The following PROSER3 variants were observed in gnomAD, a reference collection of about 807,000 sequenced individuals.
PROSER3 encodes proline and serine-rich protein 3.
PROSER3 carries 33 observed loss-of-function variants against 50.2 expected under a neutral mutation model. The observed-to-expected ratio is 0.66, with a 90% CI of 0.50 to 0.88. PROSER3 has a LOEUF of 0.88. Ranked by LOEUF, PROSER3 falls within the 40% of genes least tolerant of loss-of-function variation. The pLI is 0.00. For synonymous variants in PROSER3, 266 were observed against 259.3 expected, an observed-to-expected ratio of 1.03 and a Z score of -0.25; for missense variants, 623 against 612.7, an observed-to-expected ratio of 1.02 and a Z score of -0.18.
chr19:35,770,445 G>A (rs1971297007), downstream of PROSER3, among the ~76,000 whole-genome samples: 1 of 151,952 alleles, frequency 6.6e-6, no homozygotes, highest in Non-Finnish European at 1.5e-5. Flanking sequence ...AAACTTAACG[G>A]TTTTTATAAA....
intron 3 of PROSER3, 151 bp from the exon 4 acceptor site, chr19:35,761,868 G>A (rs1192311819): frequency 3.0e-6 from 3 of 992,068 alleles, no homozygotes; most frequent in Admixed American, 3.4e-5. Context: ...CTCAAAAACA[G>A]TTATGTGACT....
intron 7 of PROSER3, 22 bp downstream of exon 7, chr19:35,765,198 C>A: frequency 6.2e-7 from 1 of 1,609,060 alleles, no homozygotes; most frequent in Non-Finnish European, 8.5e-7. Flanking sequence ...GAGGCAAAGA[C>A]TGAGGGCAGC....
At chr19:35,770,440 TA>T (rs77589140), downstream of PROSER3, among the ~76,000 whole-genome samples, 132,015 of 152,206 alleles carry the variant, frequency 0.87, 57,653 homozygotes, top group East Asian at 1. Flanking sequence ...TTGGAAAACT[TA>T]ACGGTTTTTA....
chr19:35,760,480 GTTTTGT>G (rs1050579611), intron 3 of PROSER3, among the ~76,000 whole-genome samples: 6 of 152,110 alleles, frequency 3.9e-5, no homozygotes, highest in South Asian at 2.1e-4. Flanking sequence ...GTTTTGTTTT[GTTTTGT>G]TTTTGTTTTT....
At chr19:35,769,074 G>C (rs1057132984) in exon 11 of PROSER3, 4 of 152,382 alleles carry the variant, frequency 2.6e-5, no homozygotes, top group African/African-American at 9.7e-5. Context: ...CCATGGCGTT[G>C]ACATCTCTAT....
exon 8 of PROSER3, chr19:35,766,835 C>G (rs1422762566): frequency 6.4e-6 from 10 of 1,551,584 alleles, no homozygotes; most frequent in African/African-American, 1.4e-5. Context: ...CCCAAGCACC[C>G]CTTCGGCCAG....
At chr19:35,761,021 G>A (rs975270374) in intron 3 of PROSER3, among the ~76,000 whole-genome samples, 5 of 152,212 alleles carry the variant, frequency 3.3e-5, no homozygotes, top group African/African-American at 4.8e-5. Flanking sequence ...GTGGCAACCC[G>A]TAGTTGAGGT....
Position 35,762,311 on chromosome 19 carries a change from G to A in PROSER3, c.498G>A (p.Val166=), listed in dbSNP as rs970640203. 8.1e-6 allele frequency: 13 copies of A among 1,610,812 alleles called. No individual in the cohort carries two copies. The African/African-American group carries it at 9.4e-5, about 12-fold the overall frequency. ...CAGCTGTCCCTACTGCGGTCAACGT[G>A]ACCAGTGCATCCCATGCTGTGGCTC... Residue 166 remains valine (V), a synonymous_variant, in exon 5 of 11, where the codon GTG becomes GTA. Coordinates refer to ENST00000396908, the Ensembl canonical transcript of PROSER3.
chr19:35,759,149 G>T, intron 1 of PROSER3: 1 of 520,394 alleles, frequency 1.9e-6, no homozygotes, highest in East Asian at 3.2e-5. Context: ...ACCACCGGCT[G>T]TCAGTTCCTG....
chr19:35,767,448 C>G (rs1438063935), intron 8 of PROSER3: 2 of 299,720 alleles, frequency 6.7e-6, no homozygotes, highest in Non-Finnish European at 1.3e-5. Context: ...CTGGCCTGTA[C>G]CCCTGCACCT....
intron 3 of PROSER3, among the ~76,000 whole-genome samples, chr19:35,761,409 C>G (rs1414312754): frequency 6.6e-6 from 1 of 152,136 alleles, no homozygotes; most frequent in Admixed American, 6.5e-5. Flanking sequence ...CAGTGGCTCA[C>G]GCCTGTAATT....
Position 35,766,645 on chromosome 19 carries a change from A to G in PROSER3, c.770-123A>G. ...TCCCACCCCAGAGAGGAGCTGGGAC[A>G]GTATCTGGAGAGCCTGTCTGAGTAA... On this transcript the variant is annotated intron_variant, in intron 7 of 10. Transcript: ENST00000396908. 3 of 656,806 alleles carry G rather than the reference A, an allele frequency of 4.6e-6. No homozygotes were observed. In the South Asian group the frequency reaches 6.5e-5, roughly 14 times the overall value. 40.7% of individuals were successfully genotyped at this position (656,806 alleles called of 1,614,324 possible). A position where few individuals can be genotyped will look rare whatever the true frequency, so the allele number is the denominator to read the frequency against.
At chr19:35,764,325 G>A (rs1971064704) in intron 5 of PROSER3, among the ~76,000 whole-genome samples, 1 of 152,146 alleles carries the variant, frequency 6.6e-6, no homozygotes, top group Non-Finnish European at 1.5e-5. Flanking sequence ...GATCTGGGAG[G>A]TGGGATCCAT....
chr19:35,760,103 C>T, intron 3 of PROSER3, 112 bp downstream of exon 3: 1 of 1,183,000 alleles, frequency 8.5e-7, no homozygotes. Flanking sequence ...CTTTTAGGAC[C>T]AGGCAGTTTA....
chr19:35,767,921 G>A (rs754733874), exon 9 of PROSER3: 11 of 1,612,370 alleles, frequency 6.8e-6, no homozygotes, highest in Admixed American at 1.7e-5. Flanking sequence ...CTCTCCAGCT[G>A]AGCAGGCAAC....
exon 9 of PROSER3, chr19:35,767,970 C>G (rs746930445): frequency 2.5e-6 from 4 of 1,607,566 alleles, no homozygotes; most frequent in Non-Finnish European, 3.4e-6. Context: ...CAGGTGGGGT[C>G]TCCGGAGGCC....
intron 1 of PROSER3, 40 bp from the exon 2 acceptor site, chr19:35,759,334 C>T (rs1162784875): frequency 3.2e-6 from 5 of 1,563,026 alleles, no homozygotes; most frequent in East Asian, 2.3e-5. Flanking sequence ...AGGGCTGCGG[C>T]GAAACCACGT....
At chr19:35,764,256 C>T (rs1441486711) in intron 5 of PROSER3, among the ~76,000 whole-genome samples, 1 of 152,212 alleles carries the variant, frequency 6.6e-6, no homozygotes, top group South Asian at 2.1e-4. Flanking sequence ...CTGTGATTCA[C>T]TCATCCTTGA....
intron 6 of PROSER3, 39 bp from the exon 7 acceptor site, chr19:35,764,995 C>G: frequency 1.2e-6 from 2 of 1,612,732 alleles, no homozygotes; most frequent in Non-Finnish European, 1.7e-6. Flanking sequence ...GCCCAGGTCT[C>G]GAGACCTCCA....
Sources: allele counts gnomAD v4.1 joint callset (sites outside exome capture counted in the v4.1 genomes callset), GRCh38; gene constraint gnomAD v4.1.1; transcripts MANE v1.5; gene names NCBI Gene and HGNC (gene_info 2026-07-23, HGNC 2026-07-21).